BCCIP: variants seen among roughly 807,000 people sequenced by gnomAD.
BCCIP encodes the protein BRCA2 and CDKN1A-interacting protein.
In BCCIP, 23 loss-of-function variants were observed where a neutral mutation model predicts 32.8. That is an observed-to-expected ratio of 0.70 (90% CI 0.51 to 0.99). The LOEUF is 0.99. BCCIP is among the 50% of genes least tolerant of loss of function. The pLI is 0.00. For synonymous variants in BCCIP, 144 were observed against 137.6 expected (o/e 1.05, Z -0.33); for missense variants, 378 against 379.8 (o/e 1.00, Z 0.04).
At chr10:125,844,610 A>G (rs1199841597), downstream of BCCIP, among the ~76,000 whole-genome samples, 1 of 152,248 alleles carries the variant, frequency 6.6e-6, no homozygotes, top group Non-Finnish European at 1.5e-5. Context: ...CTAATATTAT[A>G]TTCTGCATTT....
At chr10:125,830,452 T>A (rs1245017814) in intron 3 of BCCIP, 110 bp from the exon 4 acceptor site, 2 of 589,700 alleles carry the variant, frequency 3.4e-6, no homozygotes, top group East Asian at 6.4e-5. Flanking sequence ...AAAACAAAGT[T>A]TTGCTTTTGA....
chr10:125,832,121 T>C lies in BCCIP; in HGVS notation c.599+514T>C, dbSNP rs190097141. On this transcript the variant is annotated intron_variant, in intron 5 of 6. Coordinates refer to ENST00000278100, the MANE Select transcript of BCCIP (RefSeq NM_078468.3). The stretch of plus-strand genomic sequence containing the variant: ...TAGCTGTGAAATCTAGCAAACTGAG[T>C]GTACTAAGAATTGTATTGTCTGTGC... Among the ~76,000 whole-genome samples, 4 of 152,206 alleles carry C rather than the reference T, an allele frequency of 2.6e-5. No homozygotes were observed. The East Asian group carries it at 7.7e-4, about 29-fold the overall frequency.
At chr10:125,832,387 G>T (rs752447163) in intron 5 of BCCIP, among the ~76,000 whole-genome samples, 2 of 152,014 alleles carry the variant, frequency 1.3e-5, no homozygotes, top group East Asian at 3.9e-4. Flanking sequence ...TAGCCCTTGC[G>T]TTGTGGTTTT....
At chr10:125,851,451 T>G (rs1455871279) in intron 7 of BCCIP, among the ~76,000 whole-genome samples, 1 of 152,162 alleles carries the variant, frequency 6.6e-6, no homozygotes, top group Non-Finnish European at 1.5e-5. Flanking sequence ...AGCCTTCCTT[T>G]TCTTCTCCCT....
chr10:125,839,070 T>C (rs1170145305), downstream of BCCIP: 62 of 1,614,082 alleles, frequency 3.8e-5, no homozygotes, highest in Non-Finnish European at 5.0e-5. Context: ...CAAAAGCAGG[T>C]TCTGCATAGG....
chr10:125,849,750 G>A (rs1944066978), intron 7 of BCCIP, among the ~76,000 whole-genome samples: 2 of 152,184 alleles, frequency 1.3e-5, no homozygotes, highest in African/African-American at 2.4e-5. Flanking sequence ...ATATAGTATA[G>A]TAAATGTTAC....
chr10:125,840,992 T>C (rs764994719), downstream of BCCIP: 49 of 1,593,844 alleles, frequency 3.1e-5, no homozygotes, highest in Admixed American at 1.1e-4. Context: ...AAAAGCAATT[T>C]GGAGCTTCAA....
chr10:125,829,699 G>A (rs955855290), intron 3 of BCCIP, among the ~76,000 whole-genome samples: 6 of 152,160 alleles, frequency 3.9e-5, no homozygotes, highest in African/African-American at 1.4e-4. Flanking sequence ...TAGGGCAATG[G>A]GAAAAAGCAG....
rs1010441762 is a variant in BCCIP at position 125,851,716 on chromosome 10, A to AG, written c.851-1408dup. ...TCTGAGAAACTGCAGACATAGGACT[A>AG]GCTCTGAAAAGCTGTCACTTTGTAA... On this transcript the variant is annotated intron_variant, in intron 7 of 7. Coordinates refer to the BCCIP transcript ENST00000368759. Among the ~76,000 whole-genome samples, 31 of 152,182 alleles carry AG rather than the reference A, an allele frequency of 2.0e-4. 1 individual carries two copies.
intron 7 of BCCIP, chr10:125,852,292 C>T: frequency 5.0e-6 from 8 of 1,613,730 alleles, no homozygotes; most frequent in Non-Finnish European, 6.8e-6. Flanking sequence ...CATAAGGCTA[C>T]CTGGTCTGTT....
chr10:125,840,156 G>A (rs535269192), downstream of BCCIP, among the ~76,000 whole-genome samples: 9 of 152,328 alleles, frequency 5.9e-5, no homozygotes, highest in East Asian at 1.7e-3. Flanking sequence ...TTTATGGGTG[G>A]CTCTAGCCTC....
rs1271359599 is a variant in BCCIP, at chr10:125,830,482, G to C, written c.322-80G>C. On this transcript the variant is annotated intron_variant, in intron 3 of 6. Coordinates refer to ENST00000278100, the MANE Select transcript of BCCIP (RefSeq NM_078468.3). ...TTTTGAAAAGTGAAAAGATAAATGA[G>C]GCCTACATCCCAAGACTTGGTTTTA... 4.8e-6 allele frequency: 4 copies of C among 837,322 alleles called. No individual in the cohort carries two copies. In the East Asian group the frequency reaches 1.2e-4, roughly 25 times the overall value. The allele number at this position is 837,322 out of a possible 1,614,324, so 51.9% of individuals were successfully genotyped here. A position where few individuals can be genotyped will look rare whatever the true frequency, so the allele number is the denominator to read the frequency against.
chr10:125,837,567 T>C (rs1854733797), downstream of BCCIP, among the ~76,000 whole-genome samples: 1 of 152,180 alleles, frequency 6.6e-6, no homozygotes, highest in Admixed American at 6.6e-5. Context: ...GCTGGGACTA[T>C]AGGCGCATGC....
chr10:125,840,369 A>G (rs1294542973), downstream of BCCIP, among the ~76,000 whole-genome samples: 1 of 152,026 alleles, frequency 6.6e-6, no homozygotes, highest in Non-Finnish European at 1.5e-5. Context: ...TCCGTCAGCA[A>G]CTCTGCAGCC....
intron 6 of BCCIP, 57 bp from the exon 7 acceptor site, chr10:125,836,047 T>G: frequency 6.9e-7 from 1 of 1,451,872 alleles, no homozygotes; most frequent in Non-Finnish European, 9.6e-7. Flanking sequence ...GTAGATCAAA[T>G]GGGTTTTGTC....
At chr10:125,833,187 C>T (rs1258778832) in intron 5 of BCCIP, among the ~76,000 whole-genome samples, 1 of 151,182 alleles carries the variant, frequency 6.6e-6, no homozygotes, top group Non-Finnish European at 1.5e-5. Flanking sequence ...TGAGTTTCTT[C>T]TTTTGTTCAA....
At chr10:125,853,561 T>C (rs969491794) in exon 8 of BCCIP, 12 of 216,126 alleles carry the variant, frequency 5.6e-5, no homozygotes, top group Non-Finnish European at 1.1e-4. Flanking sequence ...AAGATACTAA[T>C]TACTCTGATA....
rs1253994796 is a variant in BCCIP at position 125,850,391 on chromosome 10, C to CT, written c.851-2732dup. ...TTTTTTTTTGAGACAGAGTTTTGCTCTTGTTGCCCAGGCTGCAGTGCAATG... is the reference window on the plus strand; with the variant it reads ...TTTTTTTTTGAGACAGAGTTTTGCTCTTTGTTGCCCAGGCTGCAGTGCAATG... On this transcript the variant is annotated intron_variant, in intron 7 of 7. Coordinates refer to the BCCIP transcript ENST00000368759. 2.0e-4 allele frequency among the ~76,000 whole-genome samples: 23 copies of CT among 117,644 alleles called. 1 individual carries two copies. Among genetic ancestry groups the CT allele is most frequent in the Non-Finnish European group, 3.4e-5 (2 of 59,036 alleles). The allele number at this position is 117,644 out of a possible 152,430, so 77.2% of individuals were successfully genotyped here. A position where few individuals can be genotyped will look rare whatever the true frequency, so the allele number is the denominator to read the frequency against.
chr10:125,851,920 C>CAAAAAA (rs56380138), intron 7 of BCCIP, among the ~76,000 whole-genome samples: 14 of 86,734 alleles, frequency 1.6e-4, no homozygotes, highest in African/African-American at 4.0e-4. Context: ...GACCCTGTCT[C>CAAAAAA]AAAAAAAAAA....
Sources: allele counts gnomAD v4.1 joint callset (sites outside exome capture counted in the v4.1 genomes callset), GRCh38; gene constraint gnomAD v4.1.1; transcripts MANE v1.5; gene names NCBI Gene and HGNC (gene_info 2026-07-23, HGNC 2026-07-21).